The following SPTBN4 variants were observed in gnomAD, a reference collection of about 807,000 sequenced individuals.
SPTBN4 encodes the protein spectrin beta chain, non-erythrocytic 4.
In SPTBN4, 96 loss-of-function variants were observed where a neutral mutation model predicts 277.8. The observed-to-expected ratio is 0.35, with a 90% CI of 0.29 to 0.41. SPTBN4 has a LOEUF of 0.41. Among genes scored for constraint, SPTBN4 ranks in the 10% least tolerant of loss-of-function variants. The pLI, the probability that SPTBN4 is intolerant of heterozygous loss-of-function variation, is 1.00. For synonymous variants in SPTBN4, 1,481 were observed against 1,580.3 expected, an observed-to-expected ratio of 0.94 and a Z score of 1.49; for missense variants, 3,006 against 3,595.7, an observed-to-expected ratio of 0.84 and a Z score of 4.19.
chr19:40,505,775 CACAGACAGGAAGGTGA>C (rs2080322921), intron 12 of SPTBN4, among the ~76,000 whole-genome samples: 1 of 149,000 alleles, frequency 6.7e-6, no homozygotes, highest in South Asian at 2.1e-4. Flanking sequence ...GAACAGGAGA[CACAGACAGGAAGGTGA>C]ACAGGAGATG....
intron 20 of SPTBN4, 101 bp downstream of exon 20, chr19:40,534,444 C>T (rs1056478421): frequency 2.8e-5 from 39 of 1,399,162 alleles, no homozygotes; most frequent in Non-Finnish European, 2.7e-5. Context: ...GGATTTAATA[C>T]AGGGATTTAT....
chr19:40,527,168 T>C (rs2145888425), intron 17 of SPTBN4, among the ~76,000 whole-genome samples: 1 of 152,302 alleles, frequency 6.6e-6, no homozygotes, highest in African/African-American at 2.4e-5. Context: ...TATTTCTGTA[T>C]CTCTGTTTCC....
At position 40,568,056 on chromosome 19, in the gene SPTBN4, C is replaced by T; in HGVS notation, c.6730C>T (p.Pro2244Ser). 1 of 1,557,714 alleles carries T rather than the reference C, an allele frequency of 6.4e-7. No individual in the cohort carries two copies. Among genetic ancestry groups the T allele is most frequent in the Non-Finnish European group, 8.7e-7 (1 of 1,151,714 alleles). The change falls in exon 31 of 36, where the codon CCC (proline) becomes TCC (serine). Residue 2244 changes from proline (P) to serine (S), a missense_variant. Pro to Ser is a moderately conservative substitution (Grantham distance 74). Transcript: ENST00000598249. The part of the protein sequence containing the change: ...QESADRAEEL[P>S]RRRRPERQES... ...GTCAGCTGATCGCGCGGAGGAGCTGCCCAGGAGGCGGCGGCCTGAGCGGCA... is the reference window on the plus strand; with the variant it reads ...GTCAGCTGATCGCGCGGAGGAGCTGTCCAGGAGGCGGCGGCCTGAGCGGCA...
At chr19:40,497,842 G>A (rs867773780) in intron 7 of SPTBN4, among the ~76,000 whole-genome samples, 1 of 146,110 alleles carries the variant, frequency 6.8e-6, no homozygotes, top group African/African-American at 2.6e-5. Context: ...ATCCCCAACC[G>A]TGTCCCAACG....
At chr19:40,482,167 C>T (rs1301618561) in intron 2 of SPTBN4, among the ~76,000 whole-genome samples, 1 of 151,964 alleles carries the variant, frequency 6.6e-6, no homozygotes, top group Non-Finnish European at 1.5e-5. Context: ...GAACTCCTGA[C>T]CTCAGGTGAT....
intron 32 of SPTBN4, among the ~76,000 whole-genome samples, chr19:40,570,011 GAC>G (rs1274196885): frequency 8.8e-6 from 1 of 113,078 alleles, no homozygotes; most frequent in African/African-American, 3.5e-5. Flanking sequence ...CAGACACACA[GAC>G]ACAGATACAC....
In SPTBN4 at chr19:40,490,366, C is replaced by G. The variant is rs1299882979; in HGVS notation, c.495+118C>G. ...TATCCTAATATGCTGGAATCCTATTCCAGGTGTTAGGGATGAAAATAATGA... is the reference window on the plus strand; with the variant it reads ...TATCCTAATATGCTGGAATCCTATTGCAGGTGTTAGGGATGAAAATAATGA... On this transcript the variant is annotated intron_variant, in intron 4 of 35. Coordinates refer to ENST00000598249, the MANE Select transcript of SPTBN4 (RefSeq NM_020971.3). The surrounding 1 kb of genome is among the most constrained non-coding windows in gnomAD (Gnocchi z 4.3). 7 of 1,258,484 alleles carry G rather than the reference C, an allele frequency of 5.6e-6. No homozygotes were observed. The Admixed American group carries it at 2.1e-4, about 37-fold the overall frequency. The allele number at this position is 1,258,484 out of a possible 1,614,324, so 78.0% of individuals were successfully genotyped here. A position where few individuals can be genotyped will look rare whatever the true frequency, so the allele number is the denominator to read the frequency against.
chr19:40,538,282 G>A (rs1050143069), intron 20 of SPTBN4, among the ~76,000 whole-genome samples: 2 of 151,934 alleles, frequency 1.3e-5, no homozygotes, highest in African/African-American at 2.4e-5. Context: ...CCAGCTACTC[G>A]GGAGGCTGGG....
Position 40,529,129 on chromosome 19 carries a change from G to A in SPTBN4, c.3946G>A (p.Glu1316Lys). ...ELQHFLRDCH[E>K]LDGWIHEKML... ...GCAGCACTTCCTCCGAGACTGCCAC[G>A]AGGTAGGAACTCCAGGTGTGCTGGG... Residue 1316 changes from glutamate (E) to lysine (K), a missense_variant and splice_region_variant, in exon 18 of 36, where the codon GAG (glutamate) becomes AAG (lysine). By Grantham distance (56) the Glu-to-Lys change is moderately conservative (BLOSUM62 1). This residue lies in a region of SPTBN4 where 1,759 missense variants were observed against 2,061.5 expected (regional missense o/e 0.85). Coordinates refer to ENST00000598249, the MANE Select transcript of SPTBN4 (RefSeq NM_020971.3). 1.2e-6 allele frequency: 2 copies of A among 1,613,820 alleles called. No homozygotes were observed. Among genetic ancestry groups the A allele is most frequent in the Non-Finnish European group, 1.7e-6 (2 of 1,179,778 alleles).
intron 1 of SPTBN4, among the ~76,000 whole-genome samples, chr19:40,469,199 G>T (rs1484475809): frequency 6.6e-6 from 1 of 151,982 alleles, no homozygotes; most frequent in African/African-American, 2.4e-5. Context: ...AGAATTCAGT[G>T]GGTTGGCAAT....
At chr19:40,544,619 TTG>T (rs1162353118) in intron 20 of SPTBN4, among the ~76,000 whole-genome samples, 5 of 151,626 alleles carry the variant, frequency 3.3e-5, no homozygotes, top group African/African-American at 1.2e-4. Context: ...GGCTAATTTT[TTG>T]TGTTTTTAGT....
intron 25 of SPTBN4, 58 bp downstream of exon 25, chr19:40,556,346 T>C: frequency 1.3e-6 from 2 of 1,486,928 alleles, no homozygotes; most frequent in Admixed American, 3.8e-5. Flanking sequence ...CTCTGGGCCT[T>C]AGTTTCCTCA....
At position 40,487,770 on chromosome 19, in the gene SPTBN4, C is replaced by T. The variant is rs937648116; in HGVS notation, c.243C>T (p.His81=). The T allele has an allele frequency of 6.2e-7, 1 of 1,613,530 alleles. No homozygotes were observed. Residue 81 remains histidine, a synonymous_variant, in exon 3 of 36, where the codon CAC becomes CAT. Coordinates refer to ENST00000598249, the MANE Select transcript of SPTBN4 (RefSeq NM_020971.3). The part of the protein sequence containing the change: ...VNSHLARVGC[H]IGDLYVDLRD... The stretch of plus-strand genomic sequence containing the variant: ...CGCACCTCGCCCGCGTGGGCTGCCA[C>T]ATCGGGGACCTCTATGTGGACCTCC...
At position 40,554,728 on chromosome 19, in the gene SPTBN4, A is replaced by C. The variant is rs1372605588; in HGVS notation, c.5084+82A>C. 1 of 1,546,556 alleles carries C rather than the reference A, an allele frequency of 6.5e-7. No individual in the cohort carries two copies. The highest frequency in any genetic ancestry group is 1.9e-5 in the Admixed American group (1 of 51,300). ...TGTTGGGAGTTGGCGCAGCGCTGGA[A>C]TTGGACGTTGGGTGGGAGAGGTCCT... is the stretch of plus-strand genomic sequence containing the variant. On this transcript the variant is annotated intron_variant, in intron 24 of 35. Coordinates refer to ENST00000598249, the MANE Select transcript of SPTBN4 (RefSeq NM_020971.3). This position sits in a 1 kb window ranked among gnomAD's most constrained non-coding sequence, Gnocchi z 5.7.
intron 20 of SPTBN4, among the ~76,000 whole-genome samples, chr19:40,539,991 T>A (rs1209569649): frequency 1.3e-5 from 2 of 151,318 alleles, no homozygotes; most frequent in East Asian, 3.9e-4. Context: ...AGTGGCACAA[T>A]CTCGGCTCAC....
At chr19:40,546,635 G>A (rs141084458) in intron 20 of SPTBN4, among the ~76,000 whole-genome samples, 56 of 152,126 alleles carry the variant, frequency 3.7e-4, no homozygotes, top group Admixed American at 6.6e-4. Flanking sequence ...GAGTCCAGGA[G>A]TTCAAGACCA....
chr19:40,544,388 C>T (rs933075907), intron 20 of SPTBN4, among the ~76,000 whole-genome samples: 2 of 150,398 alleles, frequency 1.3e-5, no homozygotes, highest in Admixed American at 6.6e-5. Flanking sequence ...GTGATCCGCC[C>T]GCCTCAGCCT....
chr19:40,557,661 G>A (rs922172165), intron 26 of SPTBN4, among the ~76,000 whole-genome samples: 10 of 152,172 alleles, frequency 6.6e-5, no homozygotes, highest in Non-Finnish European at 1.5e-5. Flanking sequence ...CTGGCTGGGC[G>A]TGGTGGCTCC....
At chr19:40,541,214 TA>T (rs899565679) in intron 20 of SPTBN4, among the ~76,000 whole-genome samples, 1 of 152,134 alleles carries the variant, frequency 6.6e-6, no homozygotes, top group Non-Finnish European at 1.5e-5. Context: ...TCCCTCCCTG[TA>T]GGGGGTTCAG....
Sources: allele counts gnomAD v4.1 joint callset (sites outside exome capture counted in the v4.1 genomes callset), GRCh38; gene constraint gnomAD v4.1.1; regional missense constraint gnomAD v4.1.1; non-coding constraint Gnocchi (gnomAD v3.1); transcripts MANE v1.5; gene names NCBI Gene and HGNC (gene_info 2026-07-23, HGNC 2026-07-21).